The following KIAA1217 variants were observed in gnomAD, a reference collection of about 807,000 sequenced individuals.
KIAA1217 encodes the protein sickle tail protein homolog.
In KIAA1217, 88 loss-of-function variants were observed where a neutral mutation model predicts 163.9. That is an observed-to-expected ratio of 0.54 (90% CI 0.45 to 0.64). The LOEUF is 0.64. Among genes scored for constraint, KIAA1217 ranks in the 30% least tolerant of loss-of-function variants. The pLI is 0.00. For missense variants in KIAA1217, 2,372 were observed against 2,475.0 expected, an observed-to-expected ratio of 0.96 and a Z score of 0.88; for synonymous variants, 903 against 923.1, an observed-to-expected ratio of 0.98 and a Z score of 0.39.
intron 1 of KIAA1217, among the ~76,000 whole-genome samples, chr10:23,972,120 TG>T: frequency 6.6e-6 from 1 of 152,334 alleles, no homozygotes; most frequent in African/African-American, 2.4e-5. Flanking sequence ...CAGGATCTCC[TG>T]TGGCTGTGTC....
At chr10:23,993,283 C>T (rs1846304226) in intron 1 of KIAA1217, among the ~76,000 whole-genome samples, 1 of 151,934 alleles carries the variant, frequency 6.6e-6, no homozygotes, top group Non-Finnish European at 1.5e-5. Context: ...CCACCTGCCT[C>T]GCCCTCCCAA....
intron 3 of KIAA1217, among the ~76,000 whole-genome samples, chr10:24,390,464 G>GGAGGGAGA (rs200220371): frequency 0.068 from 6,499 of 95,534 alleles, 1,047 homozygotes; most frequent in African/African-American, 0.27. Context: ...AAAAAAGGAG[G>GGAGGGAGA]GAGGGAGGGA....
chr10:23,714,457 G>A (rs1322518888), intron 1 of KIAA1217, among the ~76,000 whole-genome samples: 3 of 152,082 alleles, frequency 2.0e-5, no homozygotes, highest in Non-Finnish European at 4.4e-5. Flanking sequence ...CCTGCAGCCA[G>A]GGCGACACTA....
chr10:24,546,410 C>A lies in KIAA1217; in HGVS notation c.*86C>A. On this transcript the variant is annotated 3_prime_UTR_variant, in exon 21 of 21. Transcript: ENST00000376454. The stretch of plus-strand genomic sequence containing the variant: ...CAACTGTTTTCACAAGAGAATGTAA[C>A]ATATTGCTGTATCGTTTGAGGCTTA... 1 of 1,309,828 alleles carries A rather than the reference C, an allele frequency of 7.6e-7. No individual in the cohort carries two copies. Among genetic ancestry groups the A allele is most frequent in the Non-Finnish European group, 1.0e-6 (1 of 957,108 alleles). 81.1% of individuals were successfully genotyped at this position (1,309,828 alleles called of 1,614,324 possible). A position where few individuals can be genotyped will look rare whatever the true frequency, so the allele number is the denominator to read the frequency against.
intron 2 of KIAA1217, among the ~76,000 whole-genome samples, chr10:24,130,106 A>G (rs376889111): frequency 1.3e-5 from 2 of 152,230 alleles, no homozygotes; most frequent in East Asian, 3.9e-4. Context: ...TTCCTCCTTC[A>G]GTGTACAAGT....
intron 2 of KIAA1217, among the ~76,000 whole-genome samples, chr10:24,067,362 G>T (rs991066906): frequency 6.6e-6 from 1 of 152,200 alleles, no homozygotes; most frequent in African/African-American, 2.4e-5. Flanking sequence ...CTTTCTAACA[G>T]ACAGGACCCT....
chr10:24,247,861 T>A (rs567326027), intron 2 of KIAA1217, among the ~76,000 whole-genome samples: 1 of 152,334 alleles, frequency 6.6e-6, no homozygotes, highest in Admixed American at 6.5e-5. Context: ...AGAAGACTAA[T>A]GAGGACAGAA....
intron 2 of KIAA1217, among the ~76,000 whole-genome samples, chr10:24,066,957 C>T (rs892014071): frequency 2.6e-5 from 4 of 152,178 alleles, no homozygotes; most frequent in African/African-American, 4.8e-5. Flanking sequence ...CTTGTGCATT[C>T]GTCACGTAGT....
chr10:24,460,684 C>G (rs1238164594), intron 5 of KIAA1217, among the ~76,000 whole-genome samples: 1 of 152,152 alleles, frequency 6.6e-6, no homozygotes, highest in Non-Finnish European at 1.5e-5. Context: ...GCTCCACAGA[C>G]ACAGCTCACT....
At chr10:23,784,028 A>C (rs893692354) in intron 1 of KIAA1217, among the ~76,000 whole-genome samples, 7 of 149,962 alleles carry the variant, frequency 4.7e-5, no homozygotes, top group Non-Finnish European at 8.9e-5. Context: ...TGCATTTTTT[A>C]TACTCTAATG....
intron 1 of KIAA1217, among the ~76,000 whole-genome samples, chr10:23,728,842 G>C (rs926808992): frequency 6.6e-6 from 1 of 152,122 alleles, no homozygotes; most frequent in African/African-American, 2.4e-5. Flanking sequence ...GACAAGCACA[G>C]CCTCTGCAGT....
intron 2 of KIAA1217, among the ~76,000 whole-genome samples, chr10:24,331,475 A>T (rs148264652): frequency 9.1e-4 from 138 of 152,370 alleles, no homozygotes; most frequent in African/African-American, 3.2e-3. Context: ...AAATAGACGA[A>T]GTCACAAGAA....
At chr10:24,130,333 T>C (rs1406237673) in intron 2 of KIAA1217, among the ~76,000 whole-genome samples, 1 of 152,204 alleles carries the variant, frequency 6.6e-6, no homozygotes, top group Non-Finnish European at 1.5e-5. Context: ...CGATTTCCTA[T>C]GTAAAAACAT....
intron 5 of KIAA1217, among the ~76,000 whole-genome samples, chr10:24,463,563 T>G (rs1290660127): frequency 2.0e-5 from 3 of 152,208 alleles, no homozygotes; most frequent in Admixed American, 6.5e-5. Flanking sequence ...GAATTTGAAA[T>G]TTTTTCAACG....
intron 2 of KIAA1217, among the ~76,000 whole-genome samples, chr10:24,274,126 C>A (rs896330188): frequency 6.6e-6 from 1 of 152,164 alleles, no homozygotes; most frequent in Non-Finnish European, 1.5e-5. Flanking sequence ...TGAAAAGTGA[C>A]TGATGCTTAT....
chr10:24,387,706 T>A (rs1195707308), intron 3 of KIAA1217, among the ~76,000 whole-genome samples: 6 of 152,104 alleles, frequency 3.9e-5, no homozygotes, highest in Admixed American at 3.9e-4. Flanking sequence ...TTCAGCAAAG[T>A]CTCAGGATAC....
intron 1 of KIAA1217, among the ~76,000 whole-genome samples, chr10:23,886,837 CTT>C (rs907836939): frequency 5.0e-5 from 7 of 139,278 alleles, no homozygotes; most frequent in African/African-American, 1.8e-4. Context: ...ATCTTGTTGA[CTT>C]TTTTTTTTTT....
At chr10:24,361,443 C>T (rs2134236732) in intron 2 of KIAA1217, among the ~76,000 whole-genome samples, 1 of 152,264 alleles carries the variant, frequency 6.6e-6, no homozygotes, top group East Asian at 1.9e-4. Context: ...CCACCTTGGC[C>T]TCCCAAAGTG....
chr10:24,120,869 A>G (rs2063255997), intron 2 of KIAA1217, among the ~76,000 whole-genome samples: 1 of 152,172 alleles, frequency 6.6e-6, no homozygotes, highest in African/African-American at 2.4e-5. Flanking sequence ...CCTGTGGTAC[A>G]AGGAGATGAT....
Sources: gnomAD v4.1 joint callset for allele counts (sites outside exome capture counted in the v4.1 genomes callset) on GRCh38, gnomAD v4.1.1 for gene constraint, MANE v1.5 for transcripts, NCBI Gene and HGNC (gene_info 2026-07-23, HGNC 2026-07-21) for gene names.